Variants in ABL2 observed in about 807,000 individuals in gnomAD.
ABL2 encodes ABL proto-oncogene 2, non-receptor tyrosine kinase.
In ABL2, 49 loss-of-function variants were observed where a neutral mutation model predicts 107.7. The observed-to-expected ratio is 0.45, with a 90% CI of 0.36 to 0.58. ABL2 has a LOEUF of 0.58. ABL2 is among the 20% of genes least tolerant of loss of function. The probability of loss-of-function intolerance (pLI) is 0.00; values close to 1 mark genes in which losing one functional copy is unlikely to be tolerated. For synonymous variants in ABL2, 549 were observed against 548.6 expected (o/e 1.00, Z -0.01); for missense variants, 1,245 against 1,457.0 (o/e 0.85, Z 2.37).
intron 8 of ABL2, 197 bp downstream of exon 8, chr1:179,117,135 T>C (rs1654724022): frequency 3.2e-6 from 2 of 621,366 alleles, no homozygotes; most frequent in Non-Finnish European, 5.5e-6. Flanking sequence ...ACACCAGGCC[T>C]ATACTTCTGT....
At chr1:179,129,635 C>T (rs2486997) in intron 3 of ABL2, among the ~76,000 whole-genome samples, 52,352 of 149,950 alleles carry the variant, frequency 0.35, 9,501 homozygotes, top group East Asian at 0.49. Flanking sequence ...TGAGCCGAGA[C>T]TGTGCCACTG....
chr1:179,185,961 A>G (rs1233247989), intron 1 of ABL2, among the ~76,000 whole-genome samples: 1 of 152,066 alleles, frequency 6.6e-6, no homozygotes, highest in Non-Finnish European at 1.5e-5. Flanking sequence ...AAAATTAGCA[A>G]TGGGCCGGGC....
At chr1:179,192,755 T>G (rs1328318055) in intron 1 of ABL2, among the ~76,000 whole-genome samples, 1 of 152,202 alleles carries the variant, frequency 6.6e-6, no homozygotes, top group Non-Finnish European at 1.5e-5. Flanking sequence ...TTAATAAATT[T>G]TGGTTATTCA....
intron 4 of ABL2, among the ~76,000 whole-genome samples, chr1:179,123,128 A>G (rs554234361): frequency 1.3e-5 from 2 of 152,212 alleles, no homozygotes; most frequent in East Asian, 3.9e-4. Context: ...ACTGATTTAG[A>G]TTTTTTTGGT....
intron 8 of ABL2, among the ~76,000 whole-genome samples, chr1:179,115,392 CCA>C (rs532469383): frequency 2.0e-5 from 3 of 152,110 alleles, no homozygotes; most frequent in African/African-American, 4.8e-5. Context: ...GTTTCACTTC[CCA>C]CAGTTTCAGC....
chr1:179,144,132 C>G (rs1313291045), intron 1 of ABL2, among the ~76,000 whole-genome samples: 2 of 152,174 alleles, frequency 1.3e-5, no homozygotes, highest in African/African-American at 2.4e-5. Flanking sequence ...TAATACATGA[C>G]TTTAATGTAT....
chr1:179,125,261 A>T (rs202161417), intron 4 of ABL2, among the ~76,000 whole-genome samples: 2 of 152,362 alleles, frequency 1.3e-5, no homozygotes, highest in East Asian at 1.9e-4. Flanking sequence ...CTGGAGGGCC[A>T]TAGTTTTACC....
rs984583223 is a variant in ABL2 at position 179,106,030 on chromosome 1, G to C, written c.*1688C>G. 2 of 218,416 alleles carry C rather than the reference G, an allele frequency of 9.2e-6. No homozygotes were observed. The highest frequency in any genetic ancestry group is 4.5e-5 in the African/African-American group (2 of 44,518). 13.5% of individuals were successfully genotyped at this position (218,416 alleles called of 1,614,324 possible). On this transcript the variant is annotated 3_prime_UTR_variant, in exon 12 of 12. Transcript: ENST00000502732. ...AGAGATGAGGCTGTGGTTTGACAGT[G>C]TATCAATGACAGAGCCAGAAGAAAA...
intron 1 of ABL2, among the ~76,000 whole-genome samples, chr1:179,228,871 C>G (rs1365332838): frequency 1.3e-5 from 2 of 152,270 alleles, no homozygotes; most frequent in East Asian, 3.9e-4. Context: ...TCACTAACGA[C>G]GGGTTTATGC....
intron 10 of ABL2, chr1:179,110,836 T>C (rs1407478824): frequency 1.2e-6 from 2 of 1,613,888 alleles, no homozygotes; most frequent in African/African-American, 1.3e-5. Context: ...ATTGGCACAA[T>C]GTAGGAGAAC....
At chr1:179,201,921 A>T (rs1661693968) in intron 1 of ABL2, 1 of 1,254,840 alleles carries the variant, frequency 8.0e-7, no homozygotes, top group Non-Finnish European at 1.0e-6. Context: ...TGCCGACCTC[A>T]TCTGAGGGGC....
chr1:179,121,544 T>C (rs747623449), intron 5 of ABL2, 51 bp downstream of exon 5: 5 of 1,580,082 alleles, frequency 3.2e-6, no homozygotes, highest in African/African-American at 2.7e-5. Context: ...TTCCAAGTGA[T>C]TGAGCACAAA....
At position 179,126,659 on chromosome 1, in the gene ABL2, T is replaced by A. The variant is rs765845067; in HGVS notation, c.405A>T (p.Arg135=). Residue 135 remains arginine, a synonymous_variant, in exon 4 of 12, where the codon CGA becomes CGT. Transcript: ENST00000502732. This position sits in a 1 kb window ranked among gnomAD's most constrained non-coding sequence, Gnocchi z 4.4. The part of the protein sequence containing the change: ...TLSITKGEKL[R]VLGYNQNGEW... The stretch of plus-strand genomic sequence containing the variant: ...CACCATTCTGGTTGTAACCAAGGAC[T>A]CGTAGCTTTTCACCTAGCCATAAGG... 4 of 1,612,270 alleles carry A rather than the reference T, an allele frequency of 2.5e-6. No individual in the cohort carries two copies. In the South Asian group the frequency reaches 3.3e-5, roughly 13 times the overall value.
At chr1:179,221,035 G>T in intron 1 of ABL2, 1 of 227,236 alleles carries the variant, frequency 4.4e-6, no homozygotes, top group South Asian at 8.2e-5. Context: ...TTCACATTTT[G>T]AGAGCATTCA....
At chr1:179,207,211 T>C (rs1457817314) in intron 1 of ABL2, among the ~76,000 whole-genome samples, 1 of 151,816 alleles carries the variant, frequency 6.6e-6, no homozygotes, top group Non-Finnish European at 1.5e-5. Flanking sequence ...AGCTGTTCTA[T>C]CTATCTGAAT....
chr1:179,226,642 A>T (rs2793805), intron 1 of ABL2, among the ~76,000 whole-genome samples: 1 of 151,998 alleles, frequency 6.6e-6, no homozygotes, highest in African/African-American at 2.4e-5. Flanking sequence ...CAGTAGTATT[A>T]GTAATGGCAG....
intron 1 of ABL2, among the ~76,000 whole-genome samples, chr1:179,188,472 G>A (rs916368624): frequency 1.3e-5 from 2 of 150,232 alleles, no homozygotes; most frequent in African/African-American, 2.5e-5. Flanking sequence ...GTTTGAACGC[G>A]GGAGGTAGAG....
intron 1 of ABL2, among the ~76,000 whole-genome samples, chr1:179,173,475 G>T (rs990141329): frequency 6.8e-6 from 1 of 146,508 alleles, no homozygotes; most frequent in African/African-American, 2.5e-5. Flanking sequence ...CAATTCTCCT[G>T]CCTCAGCCTC....
intron 1 of ABL2, among the ~76,000 whole-genome samples, chr1:179,179,571 G>A (rs1378395673): frequency 1.3e-5 from 2 of 151,162 alleles, no homozygotes; most frequent in South Asian, 2.1e-4. Flanking sequence ...GTACTAATAC[G>A]GGAAAAACAA....
Sources: allele counts gnomAD v4.1 joint callset (sites outside exome capture counted in the v4.1 genomes callset), GRCh38; gene constraint gnomAD v4.1.1; non-coding constraint Gnocchi (gnomAD v3.1); transcripts MANE v1.5; gene names NCBI Gene and HGNC (gene_info 2026-07-23, HGNC 2026-07-21).